The following CALCR variants were observed in gnomAD, a reference collection of about 807,000 sequenced individuals.
The protein encoded by CALCR is calcitonin receptor.
CALCR carries 47 observed loss-of-function variants against 59.5 expected under a neutral mutation model. The observed-to-expected ratio is 0.79, with a 90% CI of 0.63 to 1.01. The LOEUF is 1.01. CALCR is among the 50% of genes least tolerant of loss of function. The pLI is 0.00. For synonymous variants in CALCR, 213 were observed against 211.3 expected, an observed-to-expected ratio of 1.01 and a Z score of -0.07; for missense variants, 566 against 597.1, an observed-to-expected ratio of 0.95 and a Z score of 0.54.
intron 13 of CALCR, among the ~76,000 whole-genome samples, chr7:93,429,427 A>G (rs1799601008): frequency 6.6e-6 from 1 of 152,230 alleles, no homozygotes; most frequent in Admixed American, 6.5e-5. Context: ...TTCATCACTC[A>G]CTAAAAAAGC....
chr7:93,562,269 T>C (rs1362956839), intron 2 of CALCR, among the ~76,000 whole-genome samples: 2 of 152,072 alleles, frequency 1.3e-5, no homozygotes, highest in Non-Finnish European at 2.9e-5. Flanking sequence ...GGAGCCTAAA[T>C]GAGGTAATGC....
At chr7:93,450,717 T>C (rs1431340734) in intron 8 of CALCR, among the ~76,000 whole-genome samples, 1 of 151,958 alleles carries the variant, frequency 6.6e-6, no homozygotes, top group African/African-American at 2.4e-5. Flanking sequence ...TTCAGATAAT[T>C]TCTTTTTATA....
chr7:93,539,878 T>G (rs553164166), intron 2 of CALCR, among the ~76,000 whole-genome samples: 1 of 152,110 alleles, frequency 6.6e-6, no homozygotes, highest in African/African-American at 2.4e-5. Context: ...CACATCAAAG[T>G]AGGGATTTGT....
chr7:93,552,896 T>C (rs1304496871), intron 2 of CALCR, among the ~76,000 whole-genome samples: 1 of 152,176 alleles, frequency 6.6e-6, no homozygotes, highest in African/African-American at 2.4e-5. Flanking sequence ...TGGTGGGCCA[T>C]ATTCAGTGTA....
At chr7:93,540,014 C>G (rs1350275021) in intron 2 of CALCR, among the ~76,000 whole-genome samples, 1 of 152,172 alleles carries the variant, frequency 6.6e-6, no homozygotes. Context: ...AATGCCTAGT[C>G]CCATTCCCTT....
chr7:93,572,552 A>C (rs1480721078), intron 2 of CALCR, among the ~76,000 whole-genome samples: 1 of 152,128 alleles, frequency 6.6e-6, no homozygotes, highest in Non-Finnish European at 1.5e-5. Flanking sequence ...TTTCCATTTC[A>C]CTAGGACTCT....
At chr7:93,562,980 A>T (rs1423905840) in intron 2 of CALCR, among the ~76,000 whole-genome samples, 1 of 152,226 alleles carries the variant, frequency 6.6e-6, no homozygotes, top group Non-Finnish European at 1.5e-5. Flanking sequence ...ATTAGAAAAG[A>T]AAATAACCTC....
chr7:93,493,956 C>T (rs1354709135), intron 2 of CALCR, among the ~76,000 whole-genome samples: 1 of 151,350 alleles, frequency 6.6e-6, no homozygotes, highest in Admixed American at 6.6e-5. Context: ...TCTTTGTCTA[C>T]ATCTTGCATT....
intron 8 of CALCR, among the ~76,000 whole-genome samples, chr7:93,450,713 TA>T (rs1397478736): frequency 1.3e-5 from 2 of 152,126 alleles, no homozygotes; most frequent in East Asian, 3.9e-4. Flanking sequence ...GGTCTTCAGA[TA>T]ATTTCTTTTT....
At chr7:93,430,660 G>C (rs1291970685) in intron 13 of CALCR, among the ~76,000 whole-genome samples, 1 of 152,182 alleles carries the variant, frequency 6.6e-6, no homozygotes, top group Non-Finnish European at 1.5e-5. Context: ...GAACAAGTGT[G>C]ATTGTGTCTA....
At chr7:93,561,664 C>A (rs1789751473) in intron 2 of CALCR, among the ~76,000 whole-genome samples, 1 of 152,122 alleles carries the variant, frequency 6.6e-6, no homozygotes, top group Non-Finnish European at 1.5e-5. Flanking sequence ...ATTGAACATA[C>A]TTAATGGTAA....
At chr7:93,478,944 T>C (rs1800731501) in intron 4 of CALCR, among the ~76,000 whole-genome samples, 1 of 151,728 alleles carries the variant, frequency 6.6e-6, no homozygotes, top group Non-Finnish European at 1.5e-5. Context: ...TGCCAACCAA[T>C]TGACAGTTAA....
At chr7:93,497,736 T>C (rs1164632208) in intron 2 of CALCR, among the ~76,000 whole-genome samples, 12 of 151,628 alleles carry the variant, frequency 7.9e-5, no homozygotes, top group Admixed American at 4.0e-4. Flanking sequence ...TCATATCTTT[T>C]CAGTTTCCAT....
At chr7:93,498,851 G>T (rs988130604) in intron 2 of CALCR, among the ~76,000 whole-genome samples, 3 of 151,608 alleles carry the variant, frequency 2.0e-5, no homozygotes, top group Admixed American at 6.6e-5. Context: ...ATTGTAATTA[G>T]CATGTTCAAG....
chr7:93,425,994 G>A lies in CALCR; in HGVS notation c.*362C>T, dbSNP rs565883602. Reference sequence around the variant, plus strand: ...AGAGTTAAAAATAAAAATATTGACAGTGATTTTAATATTTCAAAGGTATAA... The same window carrying A: ...AGAGTTAAAAATAAAAATATTGACAATGATTTTAATATTTCAAAGGTATAA... On this transcript the variant is annotated 3_prime_UTR_variant, in exon 14 of 14. Coordinates refer to ENST00000426151, the MANE Select transcript of CALCR (RefSeq NM_001742.4). 1 of 163,856 alleles carries A rather than the reference G, an allele frequency of 6.1e-6. No individual in the cohort carries two copies. Among genetic ancestry groups the A allele is most frequent in the African/African-American group, 2.4e-5 (1 of 42,058 alleles). The allele number at this position is 163,856 out of a possible 1,614,324, so 10.2% of individuals were successfully genotyped here.
rs1020629421 is a variant in CALCR, at chr7:93,540,624, T to A, written c.-27+33665A>T. 2.1e-4 allele frequency among the ~76,000 whole-genome samples: 32 copies of A among 151,294 alleles called. No individual in the cohort carries two copies. In the South Asian group the frequency reaches 2.3e-3, roughly 11 times the overall value. On this transcript the variant is annotated intron_variant, in intron 2 of 13. Coordinates refer to ENST00000426151, the MANE Select transcript of CALCR (RefSeq NM_001742.4). ...TTTTAAATAATTTGTATTTGTTTTA[T>A]CTCTAACTGTCCTAATTTTAAAATA...
intron 2 of CALCR, among the ~76,000 whole-genome samples, chr7:93,487,439 G>A (rs1208380087): frequency 1.3e-5 from 2 of 151,356 alleles, no homozygotes; most frequent in Non-Finnish European, 3.0e-5. Context: ...CCTCTAGGTA[G>A]TCTAAGGCCA....
At chr7:93,504,510 C>T (rs772764198) in intron 2 of CALCR, among the ~76,000 whole-genome samples, 2 of 152,026 alleles carry the variant, frequency 1.3e-5, no homozygotes, top group East Asian at 1.9e-4. Flanking sequence ...TTTCTCCCAC[C>T]GTATGTAAAA....
chr7:93,461,835 A>G (rs1562983247), intron 7 of CALCR, among the ~76,000 whole-genome samples: 1 of 152,184 alleles, frequency 6.6e-6, no homozygotes, highest in Non-Finnish European at 1.5e-5. Context: ...CTATAACAAA[A>G]TTGCGGTGAT....
Sources: allele counts gnomAD v4.1 joint callset (sites outside exome capture counted in the v4.1 genomes callset), GRCh38; gene constraint gnomAD v4.1.1; transcripts MANE v1.5; gene names NCBI Gene and HGNC (gene_info 2026-07-23, HGNC 2026-07-21).